The following SGCZ variants were observed in gnomAD, a reference collection of about 807,000 sequenced individuals.
The protein encoded by SGCZ is zeta-sarcoglycan.
A neutral mutation model predicts 41.3 loss-of-function variants in SGCZ; 40 were observed. The ratio of observed to expected loss-of-function variants is 0.97; its 90% CI spans 0.75 to 1.26. SGCZ has a LOEUF of 1.26. SGCZ is among the 50% of genes most tolerant of loss of function. SGCZ has a pLI of 0.00. For missense variants in SGCZ, 552 were observed against 369.8 expected (o/e 1.49, Z -4.04); for synonymous variants, 206 against 137.5 (o/e 1.50, Z -3.49).
At chr8:14,587,072 T>A (rs957777724) in intron 1 of SGCZ, among the ~76,000 whole-genome samples, 1 of 152,026 alleles carries the variant, frequency 6.6e-6, no homozygotes, top group Non-Finnish European at 1.5e-5. Context: ...TCATTTATTT[T>A]ACAACCAAGA....
At chr8:15,156,145 T>C (rs1466474163) in intron 1 of SGCZ, among the ~76,000 whole-genome samples, 1 of 151,770 alleles carries the variant, frequency 6.6e-6, no homozygotes, top group Non-Finnish European at 1.5e-5. Flanking sequence ...CATTTATAGG[T>C]AACTTTCATT....
intron 1 of SGCZ, among the ~76,000 whole-genome samples, chr8:14,601,849 G>T (rs1179015019): frequency 6.6e-6 from 1 of 152,116 alleles, no homozygotes; most frequent in African/African-American, 2.4e-5. Context: ...TGCCGGGCGC[G>T]GTGGCTCACG....
At chr8:14,146,001 A>G (rs1360896766) in intron 5 of SGCZ, among the ~76,000 whole-genome samples, 3 of 152,208 alleles carry the variant, frequency 2.0e-5, no homozygotes, top group Non-Finnish European at 4.4e-5. Flanking sequence ...AAGGTAGAGA[A>G]AAAGGTATGG....
At chr8:14,140,306 A>G (rs777540381) in intron 5 of SGCZ, among the ~76,000 whole-genome samples, 28 of 152,278 alleles carry the variant, frequency 1.8e-4, no homozygotes, top group Middle Eastern at 6.8e-3. Context: ...CATACTGTTG[A>G]AAGTTCTGGC....
chr8:14,418,099 A>T, intron 2 of SGCZ, among the ~76,000 whole-genome samples: 1 of 152,050 alleles, frequency 6.6e-6, no homozygotes, highest in East Asian at 1.9e-4. Flanking sequence ...GTGAATGAGT[A>T]AAGACACACG....
chr8:14,187,839 C>G (rs1170755178), intron 4 of SGCZ, among the ~76,000 whole-genome samples: 2 of 152,002 alleles, frequency 1.3e-5, no homozygotes, highest in Non-Finnish European at 1.5e-5. Context: ...TCAGAAAACT[C>G]AGAGAAATTC....
At chr8:14,591,532 A>C (rs1805240193) in intron 1 of SGCZ, among the ~76,000 whole-genome samples, 1 of 152,130 alleles carries the variant, frequency 6.6e-6, no homozygotes, top group Non-Finnish European at 1.5e-5. Flanking sequence ...TAAAATATAC[A>C]CAAAATAGTT....
At chr8:14,686,799 T>G (rs941292723) in intron 1 of SGCZ, among the ~76,000 whole-genome samples, 4 of 152,070 alleles carry the variant, frequency 2.6e-5, no homozygotes, top group Non-Finnish European at 4.4e-5. Context: ...AATATCAAAT[T>G]CTGATTGTCC....
chr8:14,941,524 C>A (rs1800274750), intron 1 of SGCZ, among the ~76,000 whole-genome samples: 1 of 151,964 alleles, frequency 6.6e-6, no homozygotes. Flanking sequence ...GCCTCTTAAT[C>A]CCCTACACAA....
At chr8:14,566,626 TG>T (rs1804371708) in intron 1 of SGCZ, among the ~76,000 whole-genome samples, 1 of 152,250 alleles carries the variant, frequency 6.6e-6, no homozygotes, top group South Asian at 2.1e-4. Flanking sequence ...CTTCTTCTTT[TG>T]TTTTACATGA....
intron 2 of SGCZ, among the ~76,000 whole-genome samples, chr8:14,547,839 T>C (rs1226001297): frequency 2.0e-5 from 3 of 152,168 alleles, no homozygotes; most frequent in Non-Finnish European, 2.9e-5. Flanking sequence ...GTTAACATCA[T>C]CAATCTTGTT....
At chr8:14,650,865 T>C (rs1807375557) in intron 1 of SGCZ, among the ~76,000 whole-genome samples, 1 of 152,092 alleles carries the variant, frequency 6.6e-6, no homozygotes, top group Non-Finnish European at 1.5e-5. Context: ...GTTATACCTA[T>C]ATGAATGATA....
intron 1 of SGCZ, among the ~76,000 whole-genome samples, chr8:14,823,055 T>TAAAAAAAAAAA (rs34307530): frequency 0.014 from 1,046 of 75,426 alleles, 37 homozygotes; most frequent in Middle Eastern, 0.037. Flanking sequence ...CCAATCCTCA[T>TAAAAAAAAAAA]AAAAAAAAAA....
intron 2 of SGCZ, among the ~76,000 whole-genome samples, chr8:14,513,781 A>G (rs1802532527): frequency 6.6e-6 from 1 of 152,122 alleles, no homozygotes. Flanking sequence ...TAAAATATGC[A>G]CCAGCCCCAA....
intron 3 of SGCZ, among the ~76,000 whole-genome samples, chr8:14,322,280 A>G (rs1366696083): frequency 6.6e-6 from 1 of 152,122 alleles, no homozygotes. Flanking sequence ...TAATGAAGGA[A>G]GACACAGGAA....
chr8:14,896,032 C>A (rs918160486), intron 1 of SGCZ, among the ~76,000 whole-genome samples: 4 of 152,190 alleles, frequency 2.6e-5, no homozygotes, highest in African/African-American at 9.7e-5. Context: ...CTACTTAGAT[C>A]TTTGGACCAG....
chr8:15,077,848 A>T (rs1325614741), intron 1 of SGCZ, among the ~76,000 whole-genome samples: 1 of 152,194 alleles, frequency 6.6e-6, no homozygotes, highest in Admixed American at 6.5e-5. Context: ...TTTCTCTTTA[A>T]AAACCTTTTG....
At chr8:14,846,357 C>G (rs554195796) in intron 1 of SGCZ, among the ~76,000 whole-genome samples, 1 of 151,418 alleles carries the variant, frequency 6.6e-6, no homozygotes, top group African/African-American at 2.4e-5. Context: ...GGAATTGGAC[C>G]AAAAACTTAA....
At chr8:15,173,345 G>A (rs145129113) in intron 1 of SGCZ, among the ~76,000 whole-genome samples, 4 of 152,228 alleles carry the variant, frequency 2.6e-5, no homozygotes, top group Admixed American at 2.6e-4. Flanking sequence ...CTGGAGCAAC[G>A]TTTAACTTAT....
Sources: gnomAD v4.1 joint callset for allele counts (sites outside exome capture counted in the v4.1 genomes callset) on GRCh38, gnomAD v4.1.1 for gene constraint, MANE v1.5 for transcripts, NCBI Gene and HGNC (gene_info 2026-07-23, HGNC 2026-07-21) for gene names.